The following CDH13 variants were observed in gnomAD, a reference collection of about 807,000 sequenced individuals.
The protein encoded by CDH13 is cadherin 13, also known as cadherin-13.
Under a neutral mutation model 63.8 loss-of-function variants are expected in CDH13, and 24 were observed. The ratio of observed to expected loss-of-function variants is 0.38; its 90% CI spans 0.27 to 0.53. CDH13 has a LOEUF of 0.53. Among genes scored for constraint, CDH13 ranks in the 20% least tolerant of loss-of-function variants. The pLI is 0.85. For synonymous variants in CDH13, 503 were observed against 355.3 expected (o/e 1.42, Z -4.67); for missense variants, 1,049 against 903.1 (o/e 1.16, Z -2.07).
At chr16:83,332,899 A>T (rs528632586) in intron 5 of CDH13, among the ~76,000 whole-genome samples, 2 of 152,348 alleles carry the variant, frequency 1.3e-5, no homozygotes, top group African/African-American at 4.8e-5. Flanking sequence ...AAATGTTTTC[A>T]TTATGTTTGA....
At chr16:83,402,517 A>G (rs946688966) in intron 6 of CDH13, among the ~76,000 whole-genome samples, 2 of 152,254 alleles carry the variant, frequency 1.3e-5, no homozygotes, top group African/African-American at 4.8e-5. Flanking sequence ...TATTTTGTCT[A>G]TGGCCTTCTC....
At chr16:83,563,025 G>C (rs1263462012) in intron 7 of CDH13, among the ~76,000 whole-genome samples, 2 of 152,292 alleles carry the variant, frequency 1.3e-5, no homozygotes, top group African/African-American at 4.8e-5. Flanking sequence ...ATCTGTAGTA[G>C]AAGGACCATT....
chr16:83,621,640 C>G (rs545712073), intron 8 of CDH13, among the ~76,000 whole-genome samples: 1 of 151,800 alleles, frequency 6.6e-6, no homozygotes, highest in Non-Finnish European at 1.5e-5. Flanking sequence ...GCATGTGCCA[C>G]CATACCCGGC....
At chr16:82,670,118 C>T (rs1357590709) in intron 1 of CDH13, among the ~76,000 whole-genome samples, 2 of 152,174 alleles carry the variant, frequency 1.3e-5, no homozygotes, top group Non-Finnish European at 2.9e-5. Flanking sequence ...GCATATGGGG[C>T]TTCAGGTTGG....
intron 1 of CDH13, among the ~76,000 whole-genome samples, chr16:82,630,283 A>G (rs954070489): frequency 6.6e-6 from 1 of 152,192 alleles, no homozygotes; most frequent in Non-Finnish European, 1.5e-5. Context: ...CACTAGGGAA[A>G]TGGAATATGT....
rs116325536 is a variant in CDH13 at position 83,061,578 on chromosome 16, C to T, written c.366+29360C>T. Among the ~76,000 whole-genome samples, 693 of 152,260 alleles carry T rather than the reference C, an allele frequency of 4.6e-3. 3 individuals are homozygous for T. Among genetic ancestry groups the T allele is most frequent in the African/African-American group, 0.016 (670 of 41,556 alleles). ...GATGTTCTCCTATGTCCTGAATGAC[C>T]AGCAGCAGAGGATTCAGGGCACCCA... On this transcript the variant is annotated intron_variant, in intron 3 of 13. Coordinates refer to ENST00000567109, the MANE Select transcript of CDH13 (RefSeq NM_001257.5).
At chr16:83,133,435 G>A (rs868542730) in intron 4 of CDH13, among the ~76,000 whole-genome samples, 1 of 151,778 alleles carries the variant, frequency 6.6e-6, no homozygotes, top group Non-Finnish European at 1.5e-5. Context: ...TATTAATATG[G>A]CTCACGTATT....
chr16:83,273,962 G>A (rs1488789101), intron 5 of CDH13, among the ~76,000 whole-genome samples: 1 of 152,076 alleles, frequency 6.6e-6, no homozygotes, highest in Non-Finnish European at 1.5e-5. Flanking sequence ...TATCATAGGC[G>A]GCAGTGCAGG....
chr16:83,634,871 G>T (rs1911117349), intron 8 of CDH13, among the ~76,000 whole-genome samples: 1 of 152,202 alleles, frequency 6.6e-6, no homozygotes, highest in Non-Finnish European at 1.5e-5. Context: ...CTAGATTGAA[G>T]CTACTGCAGT....
chr16:82,763,374 C>T (rs545224766), intron 1 of CDH13, among the ~76,000 whole-genome samples: 3 of 152,274 alleles, frequency 2.0e-5, no homozygotes, highest in Admixed American at 6.5e-5. Context: ...CTCTGGAATA[C>T]ATGCTCTGTG....
chr16:83,235,582 G>T (rs367762409), intron 5 of CDH13, among the ~76,000 whole-genome samples: 6 of 140,440 alleles, frequency 4.3e-5, no homozygotes, highest in Non-Finnish European at 7.7e-5. Context: ...ATGTGGTGGT[G>T]TTTTTTTTTT....
intron 2 of CDH13, among the ~76,000 whole-genome samples, chr16:82,893,645 T>C (rs934659724): frequency 6.6e-6 from 1 of 152,212 alleles, no homozygotes; most frequent in Non-Finnish European, 1.5e-5. Flanking sequence ...TATTCCCTGC[T>C]GCCTCTGAGC....
At chr16:83,253,934 A>G (rs947337152) in intron 5 of CDH13, among the ~76,000 whole-genome samples, 3 of 152,178 alleles carry the variant, frequency 2.0e-5, no homozygotes, top group East Asian at 1.9e-4. Flanking sequence ...ATGGGATTTA[A>G]TGTTCCCAAA....
chr16:83,038,830 A>G (rs1349885061), intron 3 of CDH13, among the ~76,000 whole-genome samples: 1 of 152,230 alleles, frequency 6.6e-6, no homozygotes, highest in African/African-American at 2.4e-5. Context: ...AAAACACCAT[A>G]CTTACTCTTT....
chr16:83,396,168 C>A (rs2091883217), intron 6 of CDH13, among the ~76,000 whole-genome samples: 1 of 152,070 alleles, frequency 6.6e-6, no homozygotes, highest in Non-Finnish European at 1.5e-5. Flanking sequence ...TGTATACATA[C>A]CAGAATTTGT....
At chr16:82,796,696 C>T (rs1164052219) in intron 1 of CDH13, among the ~76,000 whole-genome samples, 1 of 152,216 alleles carries the variant, frequency 6.6e-6, no homozygotes, top group African/African-American at 2.4e-5. Context: ...GCCCTAGTGG[C>T]CACCCAAGAT....
chr16:83,192,129 C>T (rs1429097206), intron 4 of CDH13, among the ~76,000 whole-genome samples: 1 of 152,214 alleles, frequency 6.6e-6, no homozygotes, highest in South Asian at 2.1e-4. Context: ...CTAATTCACA[C>T]TCAAGCCTCA....
At chr16:83,296,959 C>T (rs2089613806) in intron 5 of CDH13, among the ~76,000 whole-genome samples, 1 of 152,056 alleles carries the variant, frequency 6.6e-6, no homozygotes. Context: ...CCATTGGGGA[C>T]TTTCTAAATA....
chr16:83,310,166 G>A lies in CDH13; in HGVS notation c.637-34696G>A, dbSNP rs2089968806. 2.0e-5 allele frequency among the ~76,000 whole-genome samples: 3 copies of A among 152,246 alleles called. No homozygotes were observed. The South Asian group carries it at 6.2e-4, about 32-fold the overall frequency. ...GCTTCATAAATTGCCATCACAGAGG[G>A]TCAATTAACAAGTGAACTAACCTTG... On this transcript the variant is annotated intron_variant, in intron 5 of 13. Coordinates refer to ENST00000567109, the MANE Select transcript of CDH13 (RefSeq NM_001257.5).
Sources: gnomAD v4.1 joint callset for allele counts (sites outside exome capture counted in the v4.1 genomes callset) on GRCh38, gnomAD v4.1.1 for gene constraint, MANE v1.5 for transcripts, NCBI Gene and HGNC (gene_info 2026-07-23, HGNC 2026-07-21) for gene names.